ITGA1: variants seen among roughly 807,000 people sequenced by gnomAD.
ITGA1 encodes integrin subunit alpha 1, also known as integrin alpha-1.
In ITGA1, 85 loss-of-function variants were observed where a neutral mutation model predicts 145.9. The ratio of observed to expected loss-of-function variants is 0.58; its 90% CI spans 0.49 to 0.70. The LOEUF (loss-of-function observed/expected upper bound fraction) is 0.70, where lower values mean the gene tolerates loss of function less well. ITGA1 is among the 30% of genes least tolerant of loss of function. The pLI is 0.00. For synonymous variants in ITGA1, 520 were observed against 495.3 expected, an observed-to-expected ratio of 1.05 and a Z score of -0.66; for missense variants, 1,351 against 1,418.7, an observed-to-expected ratio of 0.95 and a Z score of 0.77.
chr5:52,860,184 T>C lies in ITGA1; in HGVS notation c.183-1263T>C, dbSNP rs139140088. 6.7e-3 allele frequency among the ~76,000 whole-genome samples: 1,015 copies of C among 152,376 alleles called. 4 individuals carry two copies. The highest frequency in any genetic ancestry group is 0.017 in the Middle Eastern group (5 of 294). On this transcript the variant is annotated intron_variant, in intron 2 of 28. Transcript: ENST00000282588. ...GATATACTTGATAAGTATTTTTTTC[T>C]TGCTCTGTCTTATGGTGCTGATTGA...
intron 1 of ITGA1, chr5:52,800,228 C>T (rs1450465004): frequency 6.1e-6 from 4 of 653,770 alleles, no homozygotes; most frequent in Admixed American, 2.8e-5. Flanking sequence ...GAAGTGCTGC[C>T]CTAGGCTGCA....
At chr5:52,922,720 G>A (rs1307827008) in intron 17 of ITGA1, 57 bp from the exon 18 acceptor site, 1 of 1,123,984 alleles carries the variant, frequency 8.9e-7, no homozygotes, top group Admixed American at 1.8e-5. Flanking sequence ...GACATAACAA[G>A]ATCAGAACAC....
chr5:52,855,834 G>A (rs1749504000), intron 2 of ITGA1, among the ~76,000 whole-genome samples: 1 of 152,128 alleles, frequency 6.6e-6, no homozygotes, highest in Admixed American at 6.6e-5. Flanking sequence ...AAAGTTTCAT[G>A]TTTGTTTTCA....
In ITGA1 at chr5:52,881,028, C is replaced by T. The variant is rs529469640; in HGVS notation, c.625-845C>T. Among the ~76,000 whole-genome samples, 84 of 152,248 alleles carry T rather than the reference C, an allele frequency of 5.5e-4. No individual in the cohort carries two copies. In the South Asian group the frequency reaches 6.6e-3, roughly 12 times the overall value. ...TCCTGTATTTCACTGCATGAAGGCT[C>T]TGCAGTTAGCTGCCTGCGTTATCCA... On this transcript the variant is annotated intron_variant, in intron 6 of 28. Transcript: ENST00000282588.
intron 2 of ITGA1, among the ~76,000 whole-genome samples, chr5:52,852,830 C>G (rs1463057971): frequency 6.6e-6 from 1 of 151,994 alleles, no homozygotes; most frequent in Non-Finnish European, 1.5e-5. Flanking sequence ...GGCTGAACAA[C>G]TAAATCTAGT....
chr5:52,895,997 C>T lies in ITGA1; in HGVS notation c.1091-1458C>T, dbSNP rs374470255. ...TTCTGTTTGCCAAGGACAGTGCCAT[C>T]TATTGAGGCAAGTATGCCAAGGACT... On this transcript the variant is annotated intron_variant, in intron 9 of 28. Coordinates refer to ENST00000282588, the MANE Select transcript of ITGA1 (RefSeq NM_181501.2). 1.4e-3 allele frequency among the ~76,000 whole-genome samples: 218 copies of T among 152,304 alleles called. 2 individuals are homozygous for T. In the South Asian group the frequency reaches 0.035, roughly 25 times the overall value.
chr5:52,927,604 T>C lies in ITGA1; in HGVS notation c.2634T>C (p.Cys878=). The C allele has an allele frequency of 3.1e-6, 5 of 1,610,940 alleles. No individual in the cohort carries two copies. The highest frequency in any genetic ancestry group is 4.2e-6 in the Non-Finnish European group (5 of 1,177,836). Residue 878 remains cysteine (C), a synonymous_variant, in exon 20 of 29, where the codon TGT becomes TGC. Coordinates refer to ENST00000282588, the MANE Select transcript of ITGA1 (RefSeq NM_181501.2). ...CCTAGGCTATCCAAAAAGACAGTTG[T>C]GAATCTAATCATAATATCACATGTA... ...SGIEAIQKDS[C]ESNHNITCKV... is the part of the protein sequence containing the mutation.
intron 1 of ITGA1, among the ~76,000 whole-genome samples, chr5:52,798,869 G>A (rs1748398137): frequency 6.6e-6 from 1 of 152,146 alleles, no homozygotes; most frequent in African/African-American, 2.4e-5. Context: ...AAATATGAGC[G>A]AGGTGTGTAG....
chr5:52,898,479 T>G, intron 11 of ITGA1, 96 bp downstream of exon 11: 2 of 1,091,852 alleles, frequency 1.8e-6, no homozygotes, highest in Non-Finnish European at 1.3e-6. Flanking sequence ...TGCAACCATA[T>G]AGCAGGATTA....
intron 14 of ITGA1, among the ~76,000 whole-genome samples, chr5:52,910,626 T>C (rs1750490948): frequency 6.7e-6 from 1 of 148,544 alleles, no homozygotes; most frequent in Non-Finnish European, 1.5e-5. Flanking sequence ...ACATAGTATG[T>C]ATATAGTATA....
chr5:52,827,310 T>C (rs72756554), intron 1 of ITGA1, among the ~76,000 whole-genome samples: 34,254 of 152,084 alleles, frequency 0.23, 4,115 homozygotes, highest in South Asian at 0.41. Flanking sequence ...GATAAAACTT[T>C]AGTGGATGAG....
At chr5:52,859,616 C>A (rs1253831901) in intron 2 of ITGA1, among the ~76,000 whole-genome samples, 1 of 152,176 alleles carries the variant, frequency 6.6e-6, no homozygotes, top group Non-Finnish European at 1.5e-5. Flanking sequence ...TTCAATATGA[C>A]AGACTTTCAA....
chr5:52,936,881 A>T (rs967408957), intron 23 of ITGA1, among the ~76,000 whole-genome samples: 1 of 150,460 alleles, frequency 6.6e-6, no homozygotes, highest in Non-Finnish European at 1.5e-5. Flanking sequence ...TGTGAAGGGA[A>T]GCAGATGGGA....
chr5:52,800,303 C>T (rs1430846967), intron 1 of ITGA1: 4 of 1,446,896 alleles, frequency 2.8e-6, no homozygotes, highest in Admixed American at 3.8e-5. Context: ...GCCCCGCCCC[C>T]TTCCTGGCCT....
rs568166630 is a variant in ITGA1, at chr5:52,788,220, G to T, written c.-134G>T. 1.8e-6 allele frequency: 1 copy of T among 568,916 alleles called. No homozygotes were observed. The highest frequency in any genetic ancestry group is 2.6e-5 in the South Asian group (1 of 38,102). The allele number at this position is 568,916 out of a possible 1,614,324, so 35.2% of individuals were successfully genotyped here. ...GAAATCACTCCTCTCCCGCTCCTGG[G>T]CGCCGCTGCCACTGGGGCAGAGGAC... is the stretch of plus-strand genomic sequence containing the variant. On this transcript the variant is annotated 5_prime_UTR_variant, in exon 1 of 29. Transcript: ENST00000282588.
chr5:52,898,896 C>A (rs1011543473), intron 11 of ITGA1, among the ~76,000 whole-genome samples: 5 of 152,096 alleles, frequency 3.3e-5, no homozygotes, highest in African/African-American at 1.2e-4. Flanking sequence ...TGAACTTAAA[C>A]CCAGTGATAT....
chr5:52,826,909 A>T (rs1587398), intron 1 of ITGA1, among the ~76,000 whole-genome samples: 42,448 of 152,058 alleles, frequency 0.28, 6,493 homozygotes, highest in East Asian at 0.56. Context: ...ATGACTTCTG[A>T]TACAAGATTC....
intron 1 of ITGA1, chr5:52,800,848 G>A (rs1748462595): frequency 6.2e-7 from 1 of 1,609,316 alleles, no homozygotes; most frequent in Non-Finnish European, 8.5e-7. Context: ...TATCTGCTTA[G>A]TCACTCCCAG....
intron 6 of ITGA1, among the ~76,000 whole-genome samples, chr5:52,867,641 C>A (rs1453583251): frequency 6.6e-6 from 1 of 151,936 alleles, no homozygotes; most frequent in East Asian, 2.0e-4. Context: ...CTCCTTTCCT[C>A]GCTTCCCCTA....
Sources: allele counts gnomAD v4.1 joint callset (sites outside exome capture counted in the v4.1 genomes callset), GRCh38; gene constraint gnomAD v4.1.1; transcripts MANE v1.5; gene names NCBI Gene and HGNC (gene_info 2026-07-23, HGNC 2026-07-21).